Variants in SAMD5 observed in about 807,000 individuals in gnomAD.
The protein encoded by SAMD5 is sterile alpha motif domain-containing protein 5.
SAMD5 carries 13 observed loss-of-function variants against 11.3 expected under a neutral mutation model. The observed-to-expected ratio is 1.15, with a 90% CI of 0.75 to 1.83. The LOEUF (loss-of-function observed/expected upper bound fraction) is 1.83, where lower values mean the gene tolerates loss of function less well. SAMD5 is among the 40% of genes most tolerant of loss of function. SAMD5 has a pLI of 0.00. For missense variants in SAMD5, 255 were observed against 239.1 expected (o/e 1.07, Z -0.44); for synonymous variants, 129 against 111.3 (o/e 1.16, Z -1.00).
the SAMD5 span, among the ~76,000 whole-genome samples, chr6:147,878,592 T>C: frequency 6.8e-6 from 1 of 146,608 alleles, no homozygotes. Context: ...TATAGATATA[T>C]ATACATATAT....
intron 1 of SAMD5, among the ~76,000 whole-genome samples, chr6:147,718,986 C>T (rs115795800): frequency 0.036 from 5,505 of 152,276 alleles, 161 homozygotes; most frequent in African/African-American, 0.077. Context: ...CCACCGCGCC[C>T]GGCCGAAGTG....
chr6:147,720,556 T>C (rs915526973), intron 1 of SAMD5, among the ~76,000 whole-genome samples: 2 of 152,018 alleles, frequency 1.3e-5, no homozygotes, highest in African/African-American at 4.8e-5. Context: ...AAGGAGAACT[T>C]TCTCACAGAA....
the SAMD5 span, among the ~76,000 whole-genome samples, chr6:147,851,003 G>A: frequency 6.7e-6 from 1 of 148,466 alleles, no homozygotes; most frequent in African/African-American, 2.5e-5. Context: ...CTGCAGTGCA[G>A]TGGCGTGATC....
chr6:147,900,510 G>T, the SAMD5 span, among the ~76,000 whole-genome samples: 1 of 152,198 alleles, frequency 6.6e-6, no homozygotes, highest in Admixed American at 6.5e-5. Context: ...GATTGCCCCA[G>T]CCCGTGATGC....
At chr6:147,811,372 CA>C in the SAMD5 span, among the ~76,000 whole-genome samples, 4 of 152,070 alleles carry the variant, frequency 2.6e-5, no homozygotes, top group Non-Finnish European at 4.4e-5. Flanking sequence ...AAGAGTATAG[CA>C]GAAGAAAAGG....
At position 147,566,581 on chromosome 6, in the gene SAMD5, A is replaced by C. The variant is rs916165332; in HGVS notation, c.*2125A>C. On this transcript the variant is annotated 3_prime_UTR_variant, in exon 2 of 2. Coordinates refer to ENST00000367474, the MANE Select transcript of SAMD5 (RefSeq NM_001030060.3). ...GAAAAAGGGTTCCTTGGTCATTTCA[A>C]GTTTTATTTTCTATTAGAGTAATAT... 1.0e-6 allele frequency: 1 copy of C among 981,580 alleles called. No individual in the cohort carries two copies. Among genetic ancestry groups the C allele is most frequent in the Non-Finnish European group, 1.2e-6 (1 of 826,026 alleles). 60.8% of individuals were successfully genotyped at this position (981,580 alleles called of 1,614,324 possible).
chr6:147,531,777 T>G (rs1788433547), intron 1 of SAMD5, among the ~76,000 whole-genome samples: 1 of 152,264 alleles, frequency 6.6e-6, no homozygotes, highest in Non-Finnish European at 1.5e-5. Context: ...GTAAATTGTG[T>G]GCTACATAGC....
the SAMD5 span, among the ~76,000 whole-genome samples, chr6:147,789,843 G>C: frequency 6.6e-6 from 1 of 152,118 alleles, no homozygotes; most frequent in Non-Finnish European, 1.5e-5. Context: ...GGATTTGTGT[G>C]GTGGTTTTCT....
the SAMD5 span, among the ~76,000 whole-genome samples, chr6:147,820,291 T>C: frequency 1.3e-5 from 2 of 152,208 alleles, no homozygotes; most frequent in Admixed American, 1.3e-4. Flanking sequence ...AGCACCCTGA[T>C]ATCCAAACGT....
chr6:147,651,826 A>G (rs1790489542), intron 1 of SAMD5, among the ~76,000 whole-genome samples: 1 of 152,226 alleles, frequency 6.6e-6, no homozygotes, highest in Non-Finnish European at 1.5e-5. Flanking sequence ...TGTGAGTCAC[A>G]TTAGAGATTC....
At chr6:147,954,166 A>G in the SAMD5 span, among the ~76,000 whole-genome samples, 4 of 152,230 alleles carry the variant, frequency 2.6e-5, no homozygotes, top group African/African-American at 4.8e-5. Context: ...ATTTTTATTC[A>G]GTAAATACAG....
intron 1 of SAMD5, among the ~76,000 whole-genome samples, chr6:147,731,860 G>A (rs1250162176): frequency 2.0e-5 from 3 of 152,030 alleles, no homozygotes; most frequent in Admixed American, 6.5e-5. Context: ...GAGGAATTGT[G>A]TCAGCAGCAT....
At position 147,568,936 on chromosome 6, in the gene SAMD5, G is replaced by GA; in HGVS notation, c.*4487dup. 1.0e-6 allele frequency: 1 copy of GA among 978,750 alleles called. No individual in the cohort carries two copies. Among genetic ancestry groups the GA allele is most frequent in the Non-Finnish European group, 1.2e-6 (1 of 824,000 alleles). 60.6% of individuals were successfully genotyped at this position (978,750 alleles called of 1,614,324 possible). ...GGAAAAAAAAATGGTAGGTAGTTCA[G>GA]AAAAAAATGGCTGGGCACGGTGGCT... On this transcript the variant is annotated 3_prime_UTR_variant, in exon 2 of 2. Transcript: ENST00000367474.
intron 1 of SAMD5, among the ~76,000 whole-genome samples, chr6:147,540,429 C>T (rs1015407980): frequency 2.6e-5 from 4 of 152,158 alleles, no homozygotes; most frequent in African/African-American, 7.2e-5. Flanking sequence ...AATTCCTGTC[C>T]TCTGGATGGC....
chr6:147,552,733 C>T (rs1431740934), intron 1 of SAMD5, among the ~76,000 whole-genome samples: 2 of 152,000 alleles, frequency 1.3e-5, no homozygotes, highest in African/African-American at 2.4e-5. Context: ...GGCGGGGTTG[C>T]GGAGGCGCAG....
the SAMD5 span, among the ~76,000 whole-genome samples, chr6:147,864,124 G>C: frequency 6.6e-6 from 1 of 152,082 alleles, no homozygotes. Context: ...TTACAAGCAT[G>C]AGCCACCACG....
chr6:147,623,973 G>A (rs1019247991), intron 1 of SAMD5, among the ~76,000 whole-genome samples: 8 of 152,006 alleles, frequency 5.3e-5, no homozygotes, highest in Admixed American at 6.6e-5. Context: ...AGGTTCAAGC[G>A]ATTCTCCTGC....
chr6:147,916,116 T>G, the SAMD5 span, among the ~76,000 whole-genome samples: 7 of 152,098 alleles, frequency 4.6e-5, no homozygotes, highest in African/African-American at 1.7e-4. Context: ...TATTCCATGG[T>G]GTATAGGTGC....
the SAMD5 span, among the ~76,000 whole-genome samples, chr6:147,937,630 A>G: frequency 2.6e-5 from 4 of 152,170 alleles, no homozygotes; most frequent in Non-Finnish European, 4.4e-5. Context: ...GTTTCAGGGG[A>G]ATGGTTCAAA....
Sources: allele counts gnomAD v4.1 joint callset (sites outside exome capture counted in the v4.1 genomes callset), GRCh38; gene constraint gnomAD v4.1.1; transcripts MANE v1.5; gene names NCBI Gene and HGNC (gene_info 2026-07-23, HGNC 2026-07-21).